Variants in NDRG4 observed in about 807,000 individuals in gnomAD.
The protein encoded by NDRG4 is NDRG family member 4, also known as protein NDRG4.
Under a neutral mutation model 55.8 loss-of-function variants are expected in NDRG4, and 38 were observed. The ratio of observed to expected loss-of-function variants is 0.68; its 90% confidence interval spans 0.53 to 0.89. NDRG4 has a LOEUF of 0.89. Ranked by LOEUF, NDRG4 falls within the 40% of genes least tolerant of loss-of-function variation. NDRG4 has a pLI of 0.00. For synonymous variants in NDRG4, 190 were observed against 182.7 expected (o/e 1.04, Z -0.32); for missense variants, 455 against 468.6 (o/e 0.97, Z 0.27).
At chr16:58,466,076 GCA>G (rs1280688342) in intron 1 of NDRG4, among the ~76,000 whole-genome samples, 4 of 152,206 alleles carry the variant, frequency 2.6e-5, no homozygotes, top group Non-Finnish European at 5.9e-5. Flanking sequence ...GAGTGCAGTG[GCA>G]CAGTCTCGGC....
chr16:58,500,414 C>A, intron 1 of NDRG4, 145 bp downstream of exon 1: 1 of 1,112,452 alleles, frequency 9.0e-7, no homozygotes, highest in Non-Finnish European at 1.2e-6. Context: ...CACTGAGACA[C>A]GGCCAGAGTG....
rs1266391665 is a variant in NDRG4 at position 58,464,972 on chromosome 16, G to C, written c.-24+1175G>C. On this transcript the variant is annotated intron_variant, in intron 1 of 15. Coordinates refer to the NDRG4 transcript ENST00000258187. The surrounding 1 kb of genome is among the most constrained non-coding windows in gnomAD (Gnocchi z 4.8). ...GGACCCTACTGACTGGGGACCCTCA[G>C]CCTTGGGGCTCCTCTGGAGAAGTGA... 1.7e-6 allele frequency: 2 copies of C among 1,203,232 alleles called. No homozygotes were observed. 74.5% of individuals were successfully genotyped at this position (1,203,232 alleles called of 1,614,324 possible).
chr16:58,470,836 G>A (rs542919948), intron 1 of NDRG4, among the ~76,000 whole-genome samples: 1 of 150,568 alleles, frequency 6.6e-6, no homozygotes, highest in South Asian at 2.1e-4. Context: ...GAACCTGGGA[G>A]GCAGAGGTTG....
rs549805921 is a variant in NDRG4 at position 58,483,831 on chromosome 16, G to A, written c.-23-3925G>A. On this transcript the variant is annotated intron_variant, in intron 1 of 15. Coordinates refer to the NDRG4 transcript ENST00000258187. ...AGTAATCCCAGTGCTTTGGGAGGCT[G>A]AGGTAGGAGGATTGCTTGAGCCCAG... Among the ~76,000 whole-genome samples, 21 of 152,346 alleles carry A rather than the reference G, an allele frequency of 1.4e-4. No homozygotes were observed. The South Asian group carries it at 4.3e-3, about 32-fold the overall frequency.
At chr16:58,495,098 C>A in intron 3 of NDRG4, 1 of 1,288,034 alleles carries the variant, frequency 7.8e-7, no homozygotes, top group Non-Finnish European at 1.1e-6. Flanking sequence ...GGGTCACAGC[C>A]CTTCTGTGTG....
chr16:58,504,270 CAGGGGT>C lies in NDRG4; in HGVS notation c.248_248+5del. The C allele has an allele frequency of 6.2e-7, 1 of 1,614,140 alleles. No homozygotes were observed. Among genetic ancestry groups the C allele is most frequent in the Non-Finnish European group, 8.5e-7 (1 of 1,180,008 alleles). ...ACAGGTGGGGGCGTCGCAGTTTCCT[CAGGGGT>C]AGGTACCCTGAGCCCCCTCTGCCTG... On this transcript the variant is annotated splice_donor_variant and coding_sequence_variant, in exon 3 of 15. Coordinates refer to ENST00000570248, the MANE Select transcript of NDRG4 (RefSeq NM_001242835.2). LOFTEE classifies it high-confidence loss of function.
chr16:58,464,559 G>C lies in NDRG4; in HGVS notation c.-24+762G>C. On this transcript the variant is annotated intron_variant, in intron 1 of 15. Coordinates refer to the NDRG4 transcript ENST00000258187. This position sits in a 1 kb window ranked among gnomAD's most constrained non-coding sequence, Gnocchi z 4.8. ...CCGGGGACTGGGGCGGCTCGGGTCT[G>C]AGCAGGAAGGGGTGCGGACCCCAAC... 4 of 1,171,306 alleles carry C rather than the reference G, an allele frequency of 3.4e-6. No homozygotes were observed. The highest frequency in any genetic ancestry group is 4.4e-6 in the Non-Finnish European group (4 of 912,636). 72.6% of individuals were successfully genotyped at this position (1,171,306 alleles called of 1,614,324 possible).
intron 1 of NDRG4, among the ~76,000 whole-genome samples, chr16:58,477,065 G>A (rs1456740428): frequency 1.3e-5 from 2 of 151,780 alleles, no homozygotes; most frequent in African/African-American, 4.8e-5. Context: ...AATGCACTCT[G>A]TGGTGTTGAA....
chr16:58,510,686 A>C lies in NDRG4; in HGVS notation c.904+3A>C, dbSNP rs2038689147. 1 of 1,535,628 alleles carries C rather than the reference A, an allele frequency of 6.5e-7. No individual in the cohort carries two copies. Among genetic ancestry groups the C allele is most frequent in the African/African-American group, 1.4e-5 (1 of 72,950 alleles). On this transcript the variant is annotated splice_donor_region_variant and intron_variant, in intron 14 of 14. Transcript: ENST00000570248. ...CCGAAGGCTGAGTGGAGGAGCAGGT[A>C]GCCCCACGGCCCTTCCCCTGATGCA...
chr16:58,470,197 A>G (rs2151560398), intron 1 of NDRG4, among the ~76,000 whole-genome samples: 1 of 152,270 alleles, frequency 6.6e-6, no homozygotes, highest in East Asian at 1.9e-4. Context: ...AAAAACAAAA[A>G]AATTCTCTTC....
At chr16:58,500,902 G>A in intron 1 of NDRG4, 2 of 908,812 alleles carry the variant, frequency 2.2e-6, no homozygotes, top group Non-Finnish European at 2.9e-6. Context: ...AAGGAGGTCT[G>A]GGCCACACAG....
upstream of NDRG4, chr16:58,500,093 T>G (rs2036874673): frequency 3.3e-6 from 5 of 1,510,594 alleles, no homozygotes; most frequent in South Asian, 3.7e-5. Flanking sequence ...AGGGGCTAGC[T>G]AGGCTGGGCC....
upstream of NDRG4, chr16:58,499,254 C>T (rs1312720764): frequency 6.6e-6 from 1 of 152,326 alleles, no homozygotes; most frequent in Non-Finnish European, 1.5e-5. Flanking sequence ...AAGCCCCAAA[C>T]TGGTTGCCTC....
intron 1 of NDRG4, among the ~76,000 whole-genome samples, chr16:58,470,987 A>G (rs2032698497): frequency 6.6e-6 from 1 of 151,834 alleles, no homozygotes; most frequent in Non-Finnish European, 1.5e-5. Flanking sequence ...TTCAGCAAGA[A>G]GCTCTGTTGT....
In NDRG4 at chr16:58,512,420, G is replaced by A. The variant is rs1218755943; in HGVS notation, c.*844G>A. ...TGGTGACTGCCTTTGGGAGCCCGCA[G>A]GTGGCCAGAGGCAGGGGTAGCTGAG... is the stretch of plus-strand genomic sequence containing the variant. On this transcript the variant is annotated 3_prime_UTR_variant, in exon 15 of 15. Coordinates refer to ENST00000570248, the MANE Select transcript of NDRG4 (RefSeq NM_001242835.2). 1.9e-5 allele frequency: 5 copies of A among 259,138 alleles called. No homozygotes were observed. The highest frequency in any genetic ancestry group is 1.2e-4 in the African/African-American group (5 of 42,320). 16.1% of individuals were successfully genotyped at this position (259,138 alleles called of 1,614,324 possible).
At position 58,513,159 on chromosome 16, in the gene NDRG4, A is replaced by G. The variant is rs1445004057; in HGVS notation, c.*1583A>G. On this transcript the variant is annotated 3_prime_UTR_variant, in exon 15 of 15. Coordinates refer to ENST00000570248, the MANE Select transcript of NDRG4 (RefSeq NM_001242835.2). The stretch of plus-strand genomic sequence containing the variant: ...TTTCCAGATGTATCTATAAATATCT[A>G]TACATTATATGTGTGTGTGTGTGTG... The G allele has an allele frequency of 9.7e-6, 1 of 103,318 alleles. No individual in the cohort carries two copies. The highest frequency in any genetic ancestry group is 1.1e-4 in the Admixed American group (1 of 8,816). 6.4% of individuals were successfully genotyped at this position (103,318 alleles called of 1,614,324 possible).
intron 1 of NDRG4, chr16:58,501,842 T>G (rs2037170673): frequency 2.6e-6 from 1 of 386,192 alleles, no homozygotes; most frequent in Non-Finnish European, 5.4e-6. Flanking sequence ...CAGACACCCC[T>G]CACACCCCTC....
At chr16:58,501,840 C>T (rs1597278316) in intron 1 of NDRG4, 1 of 384,808 alleles carries the variant, frequency 2.6e-6, no homozygotes, top group East Asian at 7.5e-5. Context: ...AGCAGACACC[C>T]CTCACACCCC....
At chr16:58,503,575 C>A in intron 1 of NDRG4, 1 of 847,078 alleles carries the variant, frequency 1.2e-6, no homozygotes, top group Non-Finnish European at 1.9e-6. Flanking sequence ...CCAGACCTTC[C>A]CCATGCAGAT....
Sources: allele counts gnomAD v4.1 joint callset (sites outside exome capture counted in the v4.1 genomes callset), GRCh38; gene constraint gnomAD v4.1.1; non-coding constraint Gnocchi (gnomAD v3.1); transcripts MANE v1.5; gene names NCBI Gene and HGNC (gene_info 2026-07-23, HGNC 2026-07-21).